The following CEP128 variants were observed in gnomAD, a reference collection of about 807,000 sequenced individuals.
CEP128 encodes the protein centrosomal protein 128.
CEP128 carries 132 observed loss-of-function variants against 156.7 expected under a neutral mutation model. The observed-to-expected ratio is 0.84, with a 90% confidence interval of 0.73 to 0.97. The LOEUF is 0.97. Ranked by LOEUF, CEP128 falls within the 50% of genes least tolerant of loss-of-function variation. The probability of loss-of-function intolerance (pLI) is 0.00; values close to 1 mark genes in which losing one functional copy is unlikely to be tolerated. For missense variants in CEP128, 1,252 were observed against 1,281.9 expected (o/e 0.98, Z 0.36); for synonymous variants, 469 against 448.9 (o/e 1.04, Z -0.57).
Position 80,496,624 on chromosome 14 carries a change from T to C in CEP128, c.*855A>G, listed in dbSNP as rs906348903. On this transcript the variant is annotated 3_prime_UTR_variant, in exon 25 of 25. Transcript: ENST00000555265. ...AGATCAGCGTGTAAAGGGAATACGT[T>C]CTTAGACACTTTGATGAAAAAAGTT... The C allele has an allele frequency of 1.3e-5, 2 of 152,418 alleles. No individual in the cohort carries two copies. Among genetic ancestry groups the C allele is most frequent in the Non-Finnish European group, 2.9e-5 (2 of 67,990 alleles). The allele number at this position is 152,418 out of a possible 1,614,324, so 9.4% of individuals were successfully genotyped here.
Position 80,785,099 on chromosome 14 carries a change from A to G in CEP128, c.2007T>C (p.Thr669=). 1.9e-6 allele frequency: 3 copies of G among 1,614,182 alleles called. No homozygotes were observed. Among genetic ancestry groups the G allele is most frequent in the Non-Finnish European group, 2.5e-6 (3 of 1,179,998 alleles). ...CTTCATCCCTGGATTTTGCCTGTGC[A>G]GTGAGGTCAGAAAGGTCCTTAAGCA... ...KAVLKDLSDL[T]AQAKSRDEET... Residue 669 remains threonine (T), a synonymous_variant, in exon 15 of 25, where the codon ACT becomes ACC. Coordinates refer to ENST00000555265, the MANE Select transcript of CEP128 (RefSeq NM_152446.5).
intron 19 of CEP128, 89 bp downstream of exon 19, chr14:80,742,986 G>A (rs755419657): frequency 9.4e-7 from 1 of 1,062,012 alleles, no homozygotes; most frequent in Non-Finnish European, 1.4e-6. Context: ...GTCCAAAGGG[G>A]ATGCAACAGA....
chr14:80,738,603 G>A (rs185797051), intron 19 of CEP128, among the ~76,000 whole-genome samples: 7 of 152,204 alleles, frequency 4.6e-5, no homozygotes, highest in Admixed American at 4.6e-4. Context: ...GTCAACTGCA[G>A]TCCGAAAATA....
chr14:80,950,906 GA>G (rs59969729), intron 2 of CEP128, among the ~76,000 whole-genome samples: 51,092 of 114,792 alleles, frequency 0.45, 9,847 homozygotes, highest in Middle Eastern at 0.53. Context: ...TCCCGAGTAA[GA>G]AAAAAAAAAA....
chr14:80,634,627 T>C (rs1416091834), intron 19 of CEP128, among the ~76,000 whole-genome samples: 1 of 152,208 alleles, frequency 6.6e-6, no homozygotes, highest in Non-Finnish European at 1.5e-5. Context: ...CTGGTAATCA[T>C]TTTTTCCCAA....
At chr14:80,837,545 A>G (rs1237260300) in intron 11 of CEP128, among the ~76,000 whole-genome samples, 1 of 151,940 alleles carries the variant, frequency 6.6e-6, no homozygotes, top group Non-Finnish European at 1.5e-5. Flanking sequence ...GTGAAACCCC[A>G]TCTTTCCTAA....
Position 80,603,674 on chromosome 14 carries a change from A to G in CEP128, c.2807-23251T>C, listed in dbSNP as rs887272212. On this transcript the variant is annotated intron_variant, in intron 19 of 24. Transcript: ENST00000555265. Reference sequence around the variant, plus strand: ...AATCTCTCAATTAATAGCAATTTTCATCATTATTATTTCATCATGCCTGTA... The same window carrying G: ...AATCTCTCAATTAATAGCAATTTTCGTCATTATTATTTCATCATGCCTGTA... Among the ~76,000 whole-genome samples, 10 of 152,312 alleles carry G rather than the reference A, an allele frequency of 6.6e-5. No homozygotes were observed. In the East Asian group the frequency reaches 1.7e-3, roughly 26 times the overall value.
At chr14:80,490,232 C>T (rs537561216), downstream of CEP128, among the ~76,000 whole-genome samples, 108 of 151,886 alleles carry the variant, frequency 7.1e-4, no homozygotes, top group East Asian at 3.5e-3. Context: ...ATCTCGATGT[C>T]GACATTGAGG....
intron 9 of CEP128, among the ~76,000 whole-genome samples, chr14:80,842,852 G>A (rs1252204550): frequency 6.6e-6 from 1 of 151,884 alleles, no homozygotes; most frequent in African/African-American, 2.4e-5. Flanking sequence ...CCCTGCTCCA[G>A]GATTTAGATT....
chr14:80,861,672 T>G (rs1241480091), intron 9 of CEP128, among the ~76,000 whole-genome samples: 1 of 152,156 alleles, frequency 6.6e-6, no homozygotes, highest in Non-Finnish European at 1.5e-5. Context: ...ACATGACAAC[T>G]AAATGCTATG....
intron 19 of CEP128, among the ~76,000 whole-genome samples, chr14:80,718,610 A>T (rs2139447624): frequency 6.6e-6 from 1 of 152,306 alleles, no homozygotes; most frequent in South Asian, 2.1e-4. Context: ...AACTACACAA[A>T]CTTAGTTTCA....
At chr14:80,589,439 T>C (rs1891953596) in intron 19 of CEP128, among the ~76,000 whole-genome samples, 1 of 152,160 alleles carries the variant, frequency 6.6e-6, no homozygotes, top group Admixed American at 6.5e-5. Flanking sequence ...ATACATGGTA[T>C]ATGGTATGCC....
chr14:80,794,814 TAGACTAC>T (rs1158429742), intron 13 of CEP128, among the ~76,000 whole-genome samples: 1 of 152,110 alleles, frequency 6.6e-6, no homozygotes, highest in Non-Finnish European at 1.5e-5. Flanking sequence ...AAGGGGTCTA[TAGACTAC>T]AATGTGGCTG....
At chr14:80,846,855 T>A (rs1886633263) in intron 9 of CEP128, among the ~76,000 whole-genome samples, 4 of 152,162 alleles carry the variant, frequency 2.6e-5, no homozygotes. Flanking sequence ...TGCTACTACT[T>A]CTGTGATGTA....
chr14:80,938,491 C>A (rs1885959216), intron 2 of CEP128, among the ~76,000 whole-genome samples: 1 of 152,066 alleles, frequency 6.6e-6, no homozygotes, highest in African/African-American at 2.4e-5. Context: ...TCGTGATCTG[C>A]CTGCCTCGGC....
intron 13 of CEP128, among the ~76,000 whole-genome samples, chr14:80,794,047 T>C (rs903898680): frequency 2.0e-5 from 3 of 152,180 alleles, no homozygotes; most frequent in African/African-American, 7.2e-5. Flanking sequence ...TCCTGAGCCT[T>C]AGTTTCCAAA....
chr14:80,723,709 A>G (rs988159951), intron 19 of CEP128, among the ~76,000 whole-genome samples: 4 of 152,172 alleles, frequency 2.6e-5, no homozygotes, highest in African/African-American at 4.8e-5. Flanking sequence ...ATCTCCTTCA[A>G]TGAAAAGTGG....
At chr14:80,840,320 A>C (rs965749810) in intron 10 of CEP128, among the ~76,000 whole-genome samples, 3 of 152,308 alleles carry the variant, frequency 2.0e-5, no homozygotes, top group African/African-American at 7.2e-5. Context: ...GCTGCTTACT[A>C]TATCTGTCCA....
intron 19 of CEP128, among the ~76,000 whole-genome samples, chr14:80,642,447 C>T (rs1444646746): frequency 1.3e-5 from 2 of 152,128 alleles, no homozygotes; most frequent in African/African-American, 4.8e-5. Flanking sequence ...CTTTGAGAGG[C>T]CAATGCAGGA....
Sources: allele counts gnomAD v4.1 joint callset (sites outside exome capture counted in the v4.1 genomes callset), GRCh38; gene constraint gnomAD v4.1.1; transcripts MANE v1.5; gene names NCBI Gene and HGNC (gene_info 2026-07-23, HGNC 2026-07-21).